KCNQ2: variants seen among roughly 807,000 people sequenced by gnomAD.
The protein encoded by KCNQ2 is potassium voltage-gated channel subfamily KQT member 2.
A neutral mutation model predicts 84.8 loss-of-function variants in KCNQ2; 14 were observed. The ratio of observed to expected loss-of-function variants is 0.17; its 90% CI spans 0.11 to 0.26. KCNQ2 has a LOEUF of 0.26. KCNQ2 is among the 10% of genes least tolerant of loss of function. The probability of loss-of-function intolerance (pLI) is 1.00; values close to 1 mark genes in which losing one functional copy is unlikely to be tolerated. For synonymous variants in KCNQ2, 599 were observed against 554.1 expected (o/e 1.08, Z -1.14); for missense variants, 788 against 1,254.0 (o/e 0.63, Z 5.61).
intron 15 of KCNQ2, among the ~76,000 whole-genome samples, chr20:63,409,221 G>C (rs1482136593): frequency 6.6e-6 from 1 of 152,184 alleles, no homozygotes; most frequent in Admixed American, 6.5e-5. Flanking sequence ...GTGTGCACTC[G>C]ATGTGCATGT....
intron 1 of KCNQ2, among the ~76,000 whole-genome samples, chr20:63,450,554 G>GT (rs1298531839): frequency 9.1e-3 from 3 of 328 alleles, no homozygotes; most frequent in African/African-American, 0.014. Flanking sequence ...GAAGACTGCT[G>GT]GGGGTGGGGG....
At position 63,404,043 on chromosome 20, in the gene KCNQ2, TCTTCCCAGGGCCCAGAGA is replaced by T. The variant is rs1396948581; in HGVS notation, c.*2583_*2600del. On this transcript the variant is annotated 3_prime_UTR_variant, in exon 17 of 17. Coordinates refer to ENST00000359125, the MANE Select transcript of KCNQ2 (RefSeq NM_172107.4). ...ACCATCCCAGGACGTGCACCTTCCC[TCTTCCCAGGGCCCAGAGA>T]CTTCCCAGGGGACACACCACACGTT... 1 of 152,446 alleles carries T rather than the reference TCTTCCCAGGGCCCAGAGA, an allele frequency of 6.6e-6. No homozygotes were observed. Among genetic ancestry groups the T allele is most frequent in the Admixed American group, 6.5e-5 (1 of 15,288 alleles). 9.4% of individuals were successfully genotyped at this position (152,446 alleles called of 1,614,324 possible). A position where few individuals can be genotyped will look rare whatever the true frequency, so the allele number is the denominator to read the frequency against.
chr20:63,415,070 T>G lies in KCNQ2; in HGVS notation c.1358A>C (p.Lys453Thr). 6.2e-7 allele frequency: 1 copy of G among 1,606,570 alleles called. No homozygotes were observed. The highest frequency in any genetic ancestry group is 8.5e-7 in the Non-Finnish European group (1 of 1,179,880). Reference protein sequence around the residue: ...VFSSPRGVAAKGKGSPQAQTV... With the variant: ...VFSSPRGVAATGKGSPQAQTV... ...CTGGGCCTGCGGGGACCCCTTCCCC[T>G]TGGCAGCCACGCCTCGGGGGCTGGA... The change falls in exon 13 of 17, where the codon AAG becomes ACG. Residue 453 changes from lysine to threonine, a missense_variant. Around this residue, in one of 8 missense-constraint regions of KCNQ2, gnomAD observed 202 missense variants for 239.4 expected, o/e 0.84. Coordinates refer to ENST00000359125, the MANE Select transcript of KCNQ2 (RefSeq NM_172107.4).
intron 1 of KCNQ2, among the ~76,000 whole-genome samples, chr20:63,470,384 G>C (rs1001506193): frequency 6.6e-6 from 1 of 152,214 alleles, no homozygotes; most frequent in African/African-American, 2.4e-5. Context: ...GGGCCCGTCC[G>C]GACTGGGGGT....
Position 63,460,659 on chromosome 20 carries a change from C to G in KCNQ2, c.296+11509G>C, listed in dbSNP as rs2081924909. Among the ~76,000 whole-genome samples, 1 of 152,262 alleles carries G rather than the reference C, an allele frequency of 6.6e-6. No individual in the cohort carries two copies. Among genetic ancestry groups the G allele is most frequent in the South Asian group, 2.1e-4 (1 of 4,834 alleles). On this transcript the variant is annotated intron_variant, in intron 1 of 16. Coordinates refer to ENST00000359125, the MANE Select transcript of KCNQ2 (RefSeq NM_172107.4). The surrounding 1 kb of genome is among the most constrained non-coding windows in gnomAD (Gnocchi z 5.4). Reference sequence around the variant, plus strand: ...CCAACACAAGCCCCTCCTGGGCCAGCCTGCGTCCTCCCTCTCCCCTCACCA... The same window carrying G: ...CCAACACAAGCCCCTCCTGGGCCAGGCTGCGTCCTCCCTCTCCCCTCACCA...
At chr20:63,415,901 G>T (rs961587582) in intron 12 of KCNQ2, among the ~76,000 whole-genome samples, 1 of 151,940 alleles carries the variant, frequency 6.6e-6, no homozygotes, top group Non-Finnish European at 1.5e-5. Context: ...TTCTGCCCCA[G>T]AGTCGAGGGG....
chr20:63,465,875 C>T (rs2082067211), intron 1 of KCNQ2, among the ~76,000 whole-genome samples: 1 of 152,228 alleles, frequency 6.6e-6, no homozygotes. Flanking sequence ...GCTCGACGCT[C>T]CGTGCTAAAG....
chr20:63,405,567 G>C lies in KCNQ2; in HGVS notation c.*1077C>G, dbSNP rs1217826270. On this transcript the variant is annotated 3_prime_UTR_variant, in exon 17 of 17. Coordinates refer to ENST00000359125, the MANE Select transcript of KCNQ2 (RefSeq NM_172107.4). ...AAGGCGGGGAGGGCGGCCCTGTGCT[G>C]ACGGTGGAGGCTATCCTGGCCCGCT... 1 of 152,418 alleles carries C rather than the reference G, an allele frequency of 6.6e-6. No individual in the cohort carries two copies. Among genetic ancestry groups the C allele is most frequent in the African/African-American group, 2.4e-5 (1 of 41,446 alleles). 9.4% of individuals were successfully genotyped at this position (152,418 alleles called of 1,614,324 possible).
At chr20:63,452,617 A>G (rs988643043) in intron 1 of KCNQ2, among the ~76,000 whole-genome samples, 1 of 152,234 alleles carries the variant, frequency 6.6e-6, no homozygotes, top group African/African-American at 2.4e-5. Flanking sequence ...GAGAGGACAC[A>G]GGGGCCTCGG....
At chr20:63,412,680 C>T (rs2080156189) in intron 15 of KCNQ2, among the ~76,000 whole-genome samples, 1 of 152,228 alleles carries the variant, frequency 6.6e-6, no homozygotes, top group Non-Finnish European at 1.5e-5. Context: ...CTGACCATCC[C>T]AGCCTTCTCC....
intron 1 of KCNQ2, chr20:63,448,467 C>A (rs1182203638): frequency 6.6e-6 from 1 of 152,320 alleles, no homozygotes; most frequent in Non-Finnish European, 1.5e-5. Context: ...TGTCTTCACA[C>A]TCGCCATCAC....
At chr20:63,433,111 AG>A (rs1390442739) in intron 8 of KCNQ2, among the ~76,000 whole-genome samples, 4 of 152,208 alleles carry the variant, frequency 2.6e-5, no homozygotes, top group African/African-American at 9.7e-5. Context: ...AGCAAGAGCC[AG>A]GCAACGAAAA....
rs775450377 is a variant in KCNQ2, at chr20:63,442,418, G to A, written c.804C>T (p.Leu268=). ...GACCACAACTCACCAGGCCCCACCA[G>A]AGTGCATCCGCGTAGGTGTCAAAGT... is the stretch of plus-strand genomic sequence containing the variant. ...NDHFDTYADA[L]WWGLITLTTI... is the part of the protein sequence containing the mutation. The change falls in exon 5 of 17, where the codon CTC becomes CTT. Residue 268 remains leucine (L), a synonymous_variant. Transcript: ENST00000359125. The A allele has an allele frequency of 3.1e-5, 50 of 1,613,736 alleles. No homozygotes were observed. In the Admixed American group the frequency reaches 8.0e-4, roughly 26 times the overall value.
chr20:63,445,558 G>A, intron 2 of KCNQ2, 194 bp from the exon 3 acceptor site: 1 of 450,072 alleles, frequency 2.2e-6, no homozygotes, highest in Non-Finnish European at 3.8e-6. Flanking sequence ...TGGAGACCCT[G>A]CATCCGGGAA....
intron 1 of KCNQ2, chr20:63,459,770 G>A (rs192895209): frequency 1.6e-4 from 24 of 152,324 alleles, no homozygotes; most frequent in African/African-American, 3.6e-4. Context: ...AAAATAAACC[G>A]TGTTGTCAAG....
In KCNQ2 at chr20:63,419,634, C is replaced by T. The variant is rs1601590761; in HGVS notation, c.1286G>A (p.Cys429Tyr). ...SPCRGPLCGC[C>Y]PGRSSQKVSL... ...TCCGCGGTACCTAGAGCGTCCGGGG[C>T]AGCATCCACACAGGGGCCCTCTGCA... The change falls in exon 12 of 17, where the codon TGC (cysteine) becomes TAC (tyrosine). Residue 429 changes from cysteine (C) to tyrosine (Y), a missense_variant. By Grantham distance (194) the Cys-to-Tyr change is radical. This residue lies in a region of KCNQ2 where 202 missense variants were observed against 239.4 expected (regional missense o/e 0.84). Coordinates refer to ENST00000359125, the MANE Select transcript of KCNQ2 (RefSeq NM_172107.4). 21 of 1,611,462 alleles carry T rather than the reference C, an allele frequency of 1.3e-5. No individual in the cohort carries two copies. In the East Asian group the frequency reaches 4.7e-4, roughly 36 times the overall value.
At chr20:63,409,220 C>T (rs2080038549) in intron 15 of KCNQ2, among the ~76,000 whole-genome samples, 1 of 152,138 alleles carries the variant, frequency 6.6e-6, no homozygotes, top group Non-Finnish European at 1.5e-5. Context: ...TGTGTGCACT[C>T]GATGTGCATG....
chr20:63,442,716 C>CCATTAT (rs2081215717), intron 4 of KCNQ2, among the ~76,000 whole-genome samples, 185 bp from the exon 5 acceptor site: 2 of 56,458 alleles, frequency 3.5e-5, no homozygotes, highest in Admixed American at 1.8e-4. Context: ...ATCACCACCA[C>CCATTAT]CACCACCATC....
chr20:63,450,920 T>C (rs996352290), intron 1 of KCNQ2, among the ~76,000 whole-genome samples: 16 of 151,850 alleles, frequency 1.1e-4, no homozygotes, highest in African/African-American at 3.9e-4. Flanking sequence ...GGCAGATCAC[T>C]TGAGATCAGG....
Sources: allele counts gnomAD v4.1 joint callset (sites outside exome capture counted in the v4.1 genomes callset), GRCh38; gene constraint gnomAD v4.1.1; regional missense constraint gnomAD v4.1.1; non-coding constraint Gnocchi (gnomAD v3.1); transcripts MANE v1.5; gene names NCBI Gene and HGNC (gene_info 2026-07-23, HGNC 2026-07-21).